FAAH2: variants seen among roughly 807,000 people sequenced by gnomAD.
FAAH2 encodes fatty-acid amide hydrolase 2.
In FAAH2, 60 loss-of-function variants were observed where a neutral mutation model predicts 36.9. That is an observed-to-expected ratio of 1.63 (90% CI 1.32 to 2.02). The LOEUF (loss-of-function observed/expected upper bound fraction) is 2.02. FAAH2 is among the 30% of genes most tolerant of loss of function. The pLI is 0.00. For synonymous variants in FAAH2, 214 were observed against 143.8 expected (o/e 1.49, Z -3.49); for missense variants, 689 against 397.5 (o/e 1.73, Z -6.23).
At chrX:57,226,757 A>G in the FAAH2 span, among the ~76,000 whole-genome samples, 4 of 112,169 alleles carry the variant, frequency 3.6e-5, no homozygotes, top group Admixed American at 3.8e-4. Flanking sequence ...CCAAGCTTTC[A>G]GAGTTGTTTT....
chrX:57,251,378 A>G, the FAAH2 span, among the ~76,000 whole-genome samples: 5 of 111,839 alleles, frequency 4.5e-5, no homozygotes, highest in East Asian at 1.4e-3. Context: ...ATATACCCCA[A>G]GTCAACAGCT....
chrX:57,480,042 C>T (rs1216900840), intron 10 of FAAH2, among the ~76,000 whole-genome samples: 17 of 111,491 alleles, frequency 1.5e-4, no homozygotes. Context: ...GACACATACA[C>T]CCTCCCAAGA....
chrX:57,364,833 T>A (rs1378193825), intron 5 of FAAH2, among the ~76,000 whole-genome samples: 2 of 111,569 alleles, frequency 1.8e-5, no homozygotes, highest in Non-Finnish European at 3.8e-5. Context: ...CAGGAGCATG[T>A]TGCTTAATTT....
intron 5 of FAAH2, among the ~76,000 whole-genome samples, chrX:57,364,009 GTTTTTTTTTTTTT>G (rs59787885): frequency 2.6e-4 from 12 of 46,541 alleles, no homozygotes; most frequent in Non-Finnish European, 4.0e-4. Context: ...GGCCTGTAGG[GTTTTTTTTTTTTT>G]TTTTTTTTTT....
the FAAH2 span, among the ~76,000 whole-genome samples, chrX:57,228,037 G>C: frequency 8.9e-6 from 1 of 112,031 alleles, no homozygotes; most frequent in Admixed American, 9.4e-5. Flanking sequence ...TGAAGGGCCA[G>C]TCAGGCTTGA....
the FAAH2 span, among the ~76,000 whole-genome samples, chrX:57,133,173 C>T: frequency 8.9e-6 from 1 of 112,090 alleles, no homozygotes; most frequent in Non-Finnish European, 1.9e-5. Flanking sequence ...TAACACTAGA[C>T]ACTATGAAAA....
intron 8 of FAAH2, among the ~76,000 whole-genome samples, chrX:57,442,456 T>A: frequency 9.0e-6 from 1 of 111,482 alleles, no homozygotes; most frequent in Non-Finnish European, 1.9e-5. Context: ...GTTTTCCATT[T>A]GCTTGGTAGA....
Position 57,310,700 on chromosome X carries a change from T to C in FAAH2, c.383T>C (p.Leu128Ser), listed in dbSNP as rs748533467. The C allele has an allele frequency of 3.3e-6, 4 of 1,208,651 alleles. No individual in the cohort carries two copies. The Admixed American group carries it at 8.8e-5, about 27-fold the overall frequency. ...AAATGGCCCTTCCTTGGGGTTCCTT[T>C]GACAGTCAAGGAAGCTTTCCAGCTA... is the stretch of plus-strand genomic sequence containing the variant. ...ENKWPFLGVP[L>S]TVKEAFQLQG... Residue 128 changes from leucine (L) to serine (S), a missense_variant, in exon 3 of 11, where the codon TTG becomes TCG. Physicochemically the swap from Leu to Ser is moderately radical, Grantham distance 145. Coordinates refer to ENST00000374900, the MANE Select transcript of FAAH2 (RefSeq NM_174912.4).
At chrX:57,279,747 T>A in the FAAH2 span, among the ~76,000 whole-genome samples, 49,465 of 110,817 alleles carry the variant, frequency 0.45, 10,915 homozygotes, top group African/African-American at 0.86. Flanking sequence ...AAAAACACGT[T>A]ATTATCTCAA....
At chrX:57,267,521 G>T in the FAAH2 span, among the ~76,000 whole-genome samples, 1 of 112,465 alleles carries the variant, frequency 8.9e-6, no homozygotes, top group Non-Finnish European at 1.9e-5. Flanking sequence ...CTCTAGCAGG[G>T]TACTACCATA....
At chrX:57,438,881 T>C (rs1171923170) in intron 8 of FAAH2, among the ~76,000 whole-genome samples, 1 of 108,620 alleles carries the variant, frequency 9.2e-6, no homozygotes, top group Non-Finnish European at 1.9e-5. Flanking sequence ...GATAGTTTGC[T>C]GAGAATGATG....
Position 57,396,529 on chromosome X carries a change from G to A in FAAH2, c.996+15500G>A, listed in dbSNP as rs2147286044. 1.8e-5 allele frequency among the ~76,000 whole-genome samples: 2 copies of A among 110,183 alleles called. 1 individual carries two copies. Among genetic ancestry groups the A allele is most frequent in the South Asian group, 7.7e-4 (2 of 2,581 alleles). On this transcript the variant is annotated intron_variant, in intron 7 of 10. Transcript: ENST00000374900. ...TGCATCCCAGGAGTTTTGGTATGTT[G>A]TGTCCCCATTTTTGTGTTTCAAAAA...
chrX:57,267,082 C>T, the FAAH2 span, among the ~76,000 whole-genome samples: 3 of 112,191 alleles, frequency 2.7e-5, no homozygotes, highest in African/African-American at 9.7e-5. Context: ...ATAGCTTCTG[C>T]ACCAGTGGAC....
chrX:57,421,823 CATT>C (rs1429266589), intron 7 of FAAH2, among the ~76,000 whole-genome samples: 3 of 111,629 alleles, frequency 2.7e-5, no homozygotes, highest in Non-Finnish European at 5.6e-5. Flanking sequence ...TTAGAAGAGG[CATT>C]ATGATGGGGA....
intron 5 of FAAH2, among the ~76,000 whole-genome samples, chrX:57,368,520 A>G (rs914362970): frequency 9.0e-6 from 1 of 111,713 alleles, no homozygotes; most frequent in African/African-American, 3.3e-5. Context: ...ATGAATGCAT[A>G]AATCGTGAAC....
chrX:57,383,349 T>A (rs2147235992), intron 7 of FAAH2, among the ~76,000 whole-genome samples: 1 of 111,480 alleles, frequency 9.0e-6, no homozygotes, highest in Admixed American at 9.5e-5. Flanking sequence ...CAGAAGGAAA[T>A]AAAGGGTTTT....
chrX:57,146,770 A>T, the FAAH2 span, among the ~76,000 whole-genome samples: 1 of 112,075 alleles, frequency 8.9e-6, no homozygotes, highest in African/African-American at 3.2e-5. Flanking sequence ...GATTTCAATC[A>T]TAAAGTGCTG....
At chrX:57,412,706 T>C (rs2055732452) in intron 7 of FAAH2, among the ~76,000 whole-genome samples, 1 of 112,022 alleles carries the variant, frequency 8.9e-6, no homozygotes, top group African/African-American at 3.2e-5. Flanking sequence ...GTCTTTATAG[T>C]AGAATAATCT....
At chrX:57,426,395 G>A (rs1413600603) in intron 7 of FAAH2, among the ~76,000 whole-genome samples, 2 of 111,744 alleles carry the variant, frequency 1.8e-5, no homozygotes, top group Non-Finnish European at 3.8e-5. Context: ...TAAACTGGAC[G>A]TTAGACCAAG....
Sources: allele counts gnomAD v4.1 joint callset (sites outside exome capture counted in the v4.1 genomes callset), GRCh38; gene constraint gnomAD v4.1.1; transcripts MANE v1.5; gene names NCBI Gene and HGNC (gene_info 2026-07-23, HGNC 2026-07-21).